ARHGEF33: variants seen among roughly 807,000 people sequenced by gnomAD.
ARHGEF33 encodes the protein DH and coiled-coil domain-containing protein ENSP00000381780.
ARHGEF33 carries 72 observed loss-of-function variants against 101.9 expected under a neutral mutation model. That is an observed-to-expected ratio of 0.71 (90% CI 0.58 to 0.86). The LOEUF (loss-of-function observed/expected upper bound fraction) is 0.86, where lower values mean the gene tolerates loss of function less well. Ranked by LOEUF, ARHGEF33 falls within the 40% of genes least tolerant of loss-of-function variation. The probability of loss-of-function intolerance (pLI) is 0.00; values close to 1 mark genes in which losing one functional copy is unlikely to be tolerated. For synonymous variants in ARHGEF33, 499 were observed against 442.5 expected (o/e 1.13, Z -1.60); for missense variants, 1,169 against 1,111.3 (o/e 1.05, Z -0.74).
intron 2 of ARHGEF33, among the ~76,000 whole-genome samples, chr2:38,914,117 G>A (rs1231483670): frequency 6.6e-6 from 1 of 152,224 alleles, no homozygotes; most frequent in African/African-American, 2.4e-5. Flanking sequence ...TGGCTGGAAT[G>A]CAGGAGAAAG....
intron 6 of ARHGEF33, among the ~76,000 whole-genome samples, chr2:38,930,721 G>T (rs966132053): frequency 4.6e-5 from 7 of 152,144 alleles, no homozygotes; most frequent in Non-Finnish European, 1.0e-4. Flanking sequence ...TGGAGAACAG[G>T]TTGTTTTCAG....
intron 2 of ARHGEF33, among the ~76,000 whole-genome samples, chr2:38,898,841 C>A (rs959975630): frequency 1.3e-5 from 2 of 152,090 alleles, no homozygotes; most frequent in African/African-American, 2.4e-5. Context: ...ATTGCATATG[C>A]TATTTTATGT....
chr2:38,954,306 T>C (rs1356928067), intron 12 of ARHGEF33, 67 bp from the exon 13 acceptor site: 2 of 918,464 alleles, frequency 2.2e-6, no homozygotes, highest in Non-Finnish European at 3.5e-6. Context: ...CTGGTGGGAC[T>C]GATTCGAGGT....
At chr2:38,914,664 CAAAA>C (rs199737558) in intron 2 of ARHGEF33, among the ~76,000 whole-genome samples, 6 of 95,948 alleles carry the variant, frequency 6.3e-5, no homozygotes, top group South Asian at 3.5e-4. Flanking sequence ...GACTCCATCT[CAAAA>C]AAAAAAAAAA....
At chr2:38,907,511 C>T (rs985976701) in intron 2 of ARHGEF33, among the ~76,000 whole-genome samples, 6 of 152,156 alleles carry the variant, frequency 3.9e-5, no homozygotes, top group East Asian at 3.9e-4. Context: ...ACTGATGATC[C>T]GTTTTACAAT....
chr2:38,975,312 G>A lies in ARHGEF33; in HGVS notation c.*1469G>A, dbSNP rs1177463673. On this transcript the variant is annotated 3_prime_UTR_variant, in exon 18 of 18. Transcript: ENST00000409978. The stretch of plus-strand genomic sequence containing the variant: ...AAGCCAAGATTTTTGTTTCCCAGAA[G>A]TTTATGAATTCATTTGAAATTAGAT... The A allele has an allele frequency of 6.6e-6, 1 of 152,004 alleles. No homozygotes were observed. The highest frequency in any genetic ancestry group is 1.5e-5 in the Non-Finnish European group (1 of 67,980). The allele number at this position is 152,004 out of a possible 1,614,324, so 9.4% of individuals were successfully genotyped here.
At position 38,931,191 on chromosome 2, in the gene ARHGEF33, G is replaced by T; in HGVS notation, c.445G>T (p.Glu149Ter). 6.4e-7 allele frequency: 1 copy of T among 1,551,568 alleles called. No individual in the cohort carries two copies. Among genetic ancestry groups the T allele is most frequent in the Non-Finnish European group, 8.7e-7 (1 of 1,146,898 alleles). ...GSPFRSINIP[E>*]PVLPSEDFTN... ...TCCTTTTCGTTCTATCAATATCCCTGAGCCTGTTCTTCCAAGCGAAGACTT... is the reference window on the plus strand; with the variant it reads ...TCCTTTTCGTTCTATCAATATCCCTTAGCCTGTTCTTCCAAGCGAAGACTT... The change falls in exon 7 of 18, where the codon GAG (glutamate) becomes TAG (stop). Residue 149 changes from glutamate to a stop codon, truncating the protein, a stop_gained. Transcript: ENST00000409978. LOFTEE classifies it high-confidence loss of function.
chr2:38,919,339 C>G (rs1231333420), intron 2 of ARHGEF33, 24 bp from the exon 3 acceptor site: 1 of 1,137,290 alleles, frequency 8.8e-7, no homozygotes, highest in African/African-American at 1.5e-5. Flanking sequence ...CTTGTTATCC[C>G]TTACTCTTGA....
chr2:38,944,222 AC>A (rs1667383228), intron 10 of ARHGEF33, among the ~76,000 whole-genome samples, 192 bp downstream of exon 10: 1 of 152,240 alleles, frequency 6.6e-6, no homozygotes, highest in African/African-American at 2.4e-5. Flanking sequence ...AGACTGGATA[AC>A]TTTTAATGAA....
intron 1 of ARHGEF33, among the ~76,000 whole-genome samples, chr2:38,892,324 C>G (rs1666023346): frequency 6.6e-6 from 1 of 152,058 alleles, no homozygotes; most frequent in African/African-American, 2.4e-5. Context: ...CTTATGCTCT[C>G]TAAAAAAATC....
intron 16 of ARHGEF33, among the ~76,000 whole-genome samples, chr2:38,965,012 A>G (rs1203943379): frequency 6.6e-6 from 1 of 152,008 alleles, no homozygotes; most frequent in Non-Finnish European, 1.5e-5. Context: ...CTGTATCTGC[A>G]ACCCCCAGTT....
intron 2 of ARHGEF33, among the ~76,000 whole-genome samples, chr2:38,896,617 C>G (rs1045649689): frequency 6.6e-6 from 1 of 152,154 alleles, no homozygotes; most frequent in African/African-American, 2.4e-5. Context: ...GGAGCATAGG[C>G]TTAGGAAGAT....
intron 1 of ARHGEF33, among the ~76,000 whole-genome samples, chr2:38,893,521 C>A (rs183462942): frequency 6.6e-6 from 1 of 152,210 alleles, no homozygotes; most frequent in Non-Finnish European, 1.5e-5. Flanking sequence ...CAAATCCTAT[C>A]TTCTTAATGA....
Position 38,956,941 on chromosome 2 carries a change from C to G in ARHGEF33, c.1264C>G (p.Leu422Val). Residue 422 changes from leucine (L) to valine (V), a missense_variant, in exon 14 of 18, where the codon CTA becomes GTA. Leu to Val is a conservative substitution (Grantham distance 32). Transcript: ENST00000409978. ...FTEQEHPDYY[L>V]LLVCVQRLRV... ...AGAGCAGGAGCACCCTGACTATTATCTACTACTGGTGTGTGTCCAGCGCCT... is the reference window on the plus strand; with the variant it reads ...AGAGCAGGAGCACCCTGACTATTATGTACTACTGGTGTGTGTCCAGCGCCT... The G allele has an allele frequency of 6.4e-7, 1 of 1,552,396 alleles. No individual in the cohort carries two copies. Among genetic ancestry groups the G allele is most frequent in the Non-Finnish European group, 8.7e-7 (1 of 1,147,144 alleles).
intron 9 of ARHGEF33, among the ~76,000 whole-genome samples, chr2:38,942,164 CTTTTTTTTTTTTTT>C (rs35282727): frequency 1.9e-5 from 2 of 107,332 alleles, no homozygotes; most frequent in African/African-American, 7.9e-5. Context: ...TCTCTCCTTT[CTTTTTTTTTTTTTT>C]TTTTTTGAGA....
chr2:38,961,757 T>C (rs188393353), intron 16 of ARHGEF33, among the ~76,000 whole-genome samples: 4 of 152,128 alleles, frequency 2.6e-5, no homozygotes, highest in Admixed American at 6.5e-5. Context: ...TGTAATAAAC[T>C]GTGGGAGCAC....
intron 7 of ARHGEF33, among the ~76,000 whole-genome samples, chr2:38,933,440 A>G (rs1008811521): frequency 2.0e-5 from 3 of 151,970 alleles, no homozygotes; most frequent in Non-Finnish European, 4.4e-5. Flanking sequence ...CTGGAGTACA[A>G]TGGCGCGATC....
intron 9 of ARHGEF33, 70 bp from the exon 10 acceptor site, chr2:38,943,831 A>T (rs1667373199): frequency 1.4e-6 from 2 of 1,435,064 alleles, no homozygotes; most frequent in East Asian, 5.0e-5. Flanking sequence ...TATCACTTTT[A>T]TTGCTTGCAT....
At chr2:38,957,153 G>T (rs1667787928) in intron 14 of ARHGEF33, 106 bp downstream of exon 14, 3 of 1,366,200 alleles carry the variant, frequency 2.2e-6, no homozygotes, top group Non-Finnish European at 3.0e-6. Flanking sequence ...AGTGGTGGGA[G>T]GTAGAAGGAA....
Sources: allele counts gnomAD v4.1 joint callset (sites outside exome capture counted in the v4.1 genomes callset), GRCh38; gene constraint gnomAD v4.1.1; transcripts MANE v1.5; gene names NCBI Gene and HGNC (gene_info 2026-07-23, HGNC 2026-07-21).